CNTN4: variants seen among roughly 807,000 people sequenced by gnomAD.
CNTN4 encodes the protein contactin 4.
CNTN4 carries 77 observed loss-of-function variants against 122.5 expected under a neutral mutation model. The observed-to-expected ratio is 0.63, with a 90% confidence interval of 0.52 to 0.76. The LOEUF is 0.76. Among genes scored for constraint, CNTN4 ranks in the 30% least tolerant of loss-of-function variants. The pLI, the probability that CNTN4 is intolerant of heterozygous loss-of-function variation, is 0.00. For missense variants in CNTN4, 1,256 were observed against 1,259.1 expected (o/e 1.00, Z 0.04); for synonymous variants, 512 against 447.0 (o/e 1.15, Z -1.83).
intron 7 of CNTN4, among the ~76,000 whole-genome samples, chr3:2,835,075 T>A (rs1311542839): frequency 6.6e-6 from 1 of 151,752 alleles, no homozygotes; most frequent in Non-Finnish European, 1.5e-5. Flanking sequence ...CGGCTCATTT[T>A]TTTGTATTTT....
chr3:2,869,349 A>G (rs756436920), intron 8 of CNTN4, among the ~76,000 whole-genome samples: 6 of 152,160 alleles, frequency 3.9e-5, no homozygotes, highest in African/African-American at 1.4e-4. Context: ...ACAGCAGAGA[A>G]GGAGAGAAAT....
intron 2 of CNTN4, among the ~76,000 whole-genome samples, chr3:2,288,222 G>A (rs963232260): frequency 6.6e-6 from 1 of 152,144 alleles, no homozygotes; most frequent in Non-Finnish European, 1.5e-5. Context: ...AAGTTTATTT[G>A]GTTTACAGTT....
intron 14 of CNTN4, among the ~76,000 whole-genome samples, chr3:2,996,257 T>C (rs1046461574): frequency 1.3e-5 from 2 of 152,160 alleles, no homozygotes; most frequent in African/African-American, 4.8e-5. Flanking sequence ...GAAGAGGGAA[T>C]ATGAGCACAT....
At chr3:2,388,582 C>G (rs1222061370) in intron 3 of CNTN4, among the ~76,000 whole-genome samples, 1 of 152,202 alleles carries the variant, frequency 6.6e-6, no homozygotes, top group Admixed American at 6.5e-5. Context: ...CAGAGGCTTA[C>G]GCCTGTAATC....
chr3:3,030,163 T>G (rs1167094639), intron 15 of CNTN4, among the ~76,000 whole-genome samples: 1 of 152,204 alleles, frequency 6.6e-6, no homozygotes. Flanking sequence ...TGATAGCCTG[T>G]GGAATCATCT....
chr3:2,456,142 T>C (rs6776473), intron 3 of CNTN4, among the ~76,000 whole-genome samples: 3,422 of 151,890 alleles, frequency 0.023, 128 homozygotes, highest in African/African-American at 0.078. Context: ...GGGAACTGAG[T>C]TCAAGCCTTC....
chr3:2,963,271 G>A (rs952098286), intron 13 of CNTN4, among the ~76,000 whole-genome samples: 23 of 151,882 alleles, frequency 1.5e-4, no homozygotes, highest in African/African-American at 4.1e-4. Flanking sequence ...GACCTCGCTC[G>A]TATTACCTCT....
At chr3:2,855,673 G>C (rs1337871589) in intron 7 of CNTN4, among the ~76,000 whole-genome samples, 1 of 152,134 alleles carries the variant, frequency 6.6e-6, no homozygotes, top group Non-Finnish European at 1.5e-5. Context: ...CAGGTCACAC[G>C]GGTGTCATCT....
chr3:3,009,029 G>T (rs1696921222), intron 14 of CNTN4: 1 of 985,406 alleles, frequency 1.0e-6, no homozygotes, highest in African/African-American at 1.7e-5. Context: ...TAGAGGACAA[G>T]CCTGGTGTTA....
intron 3 of CNTN4, among the ~76,000 whole-genome samples, chr3:2,518,618 T>C (rs1188254378): frequency 6.6e-6 from 1 of 152,162 alleles, no homozygotes; most frequent in Non-Finnish European, 1.5e-5. Context: ...CTCAGGAATT[T>C]TTAATAGATA....
intron 13 of CNTN4, among the ~76,000 whole-genome samples, chr3:2,960,442 C>CA (rs1559721193): frequency 6.6e-6 from 1 of 151,794 alleles, no homozygotes; most frequent in African/African-American, 2.4e-5. Context: ...CTCTCAAAAT[C>CA]AAAAATAAAA....
At chr3:2,158,392 A>G (rs2035813191) in intron 2 of CNTN4, among the ~76,000 whole-genome samples, 1 of 152,208 alleles carries the variant, frequency 6.6e-6, no homozygotes. Context: ...TGATTTAACA[A>G]TTTCTTACCA....
At chr3:2,644,674 T>C (rs902155495) in intron 4 of CNTN4, among the ~76,000 whole-genome samples, 8 of 150,372 alleles carry the variant, frequency 5.3e-5, no homozygotes, top group Non-Finnish European at 1.2e-4. Flanking sequence ...ATAGGGTCTG[T>C]CTATAGAGGA....
intron 4 of CNTN4, among the ~76,000 whole-genome samples, chr3:2,650,366 A>G (rs2083307976): frequency 6.6e-6 from 1 of 152,154 alleles, no homozygotes; most frequent in Admixed American, 6.5e-5. Context: ...AGCAAATAAC[A>G]TGGTTTCTTG....
At chr3:2,159,901 G>A (rs193107137) in intron 2 of CNTN4, among the ~76,000 whole-genome samples, 6 of 150,892 alleles carry the variant, frequency 4.0e-5, no homozygotes, top group African/African-American at 1.2e-4. Flanking sequence ...TGGACCACCT[G>A]CTTTGGCTGG....
chr3:2,994,594 C>CATATATATATATATATATAT (rs35069373), intron 14 of CNTN4, among the ~76,000 whole-genome samples: 228 of 144,618 alleles, frequency 1.6e-3, no homozygotes, highest in Middle Eastern at 7.4e-3. Context: ...CAGATTTTTT[C>CATATATATATATATATATAT]ATATATATAT....
At chr3:2,787,988 C>G (rs1020061425) in intron 6 of CNTN4, among the ~76,000 whole-genome samples, 2 of 152,078 alleles carry the variant, frequency 1.3e-5, no homozygotes, top group Admixed American at 1.3e-4. Context: ...CGGGGCTTCA[C>G]CATGTTGGCC....
intron 14 of CNTN4, among the ~76,000 whole-genome samples, chr3:3,015,386 T>G (rs1176115813): frequency 6.6e-6 from 1 of 152,146 alleles, no homozygotes; most frequent in Non-Finnish European, 1.5e-5. Context: ...GGTTTTGTTT[T>G]GCAGAAAGCT....
chr3:2,326,000 A>G (rs2043441292), intron 2 of CNTN4, among the ~76,000 whole-genome samples: 1 of 152,168 alleles, frequency 6.6e-6, no homozygotes, highest in African/African-American at 2.4e-5. Context: ...TGTGATGGTT[A>G]ATTTTATGGT....
Sources: allele counts gnomAD v4.1 joint callset (sites outside exome capture counted in the v4.1 genomes callset), GRCh38; gene constraint gnomAD v4.1.1; transcripts MANE v1.5; gene names NCBI Gene and HGNC (gene_info 2026-07-23, HGNC 2026-07-21).